Variants in GPC5 observed in about 807,000 individuals in gnomAD.
GPC5 encodes glypican-5.
A neutral mutation model predicts 53.9 loss-of-function variants in GPC5; 47 were observed. That is an observed-to-expected ratio of 0.87 (90% CI 0.69 to 1.11). The LOEUF (loss-of-function observed/expected upper bound fraction) is 1.11, where lower values mean the gene tolerates loss of function less well. Among genes scored for constraint, GPC5 ranks in the 50% most tolerant of loss-of-function variants. GPC5 has a pLI of 0.00. For missense variants in GPC5, 748 were observed against 713.1 expected, an observed-to-expected ratio of 1.05 and a Z score of -0.56; for synonymous variants, 286 against 263.3, an observed-to-expected ratio of 1.09 and a Z score of -0.84.
intron 7 of GPC5, among the ~76,000 whole-genome samples, chr13:92,582,295 A>G (rs1883397173): frequency 6.6e-6 from 1 of 152,106 alleles, no homozygotes; most frequent in African/African-American, 2.4e-5. Context: ...CTCTTATTGA[A>G]GAGACTGTTC....
intron 6 of GPC5, among the ~76,000 whole-genome samples, chr13:92,076,214 G>A (rs2041250926): frequency 6.6e-6 from 1 of 151,708 alleles, no homozygotes; most frequent in Non-Finnish European, 1.5e-5. Context: ...GACTACAGGC[G>A]CCCACCACCA....
intron 6 of GPC5, among the ~76,000 whole-genome samples, chr13:92,094,058 T>A (rs1212840765): frequency 2.0e-5 from 3 of 152,170 alleles, no homozygotes; most frequent in African/African-American, 7.2e-5. Context: ...TTAATTAATA[T>A]TGGGGTCAAA....
At chr13:91,984,845 G>T (rs7989697) in intron 6 of GPC5, among the ~76,000 whole-genome samples, 1 of 151,922 alleles carries the variant, frequency 6.6e-6, no homozygotes, top group Non-Finnish European at 1.5e-5. Flanking sequence ...CATATTCTCC[G>T]TGATTTTAAT....
chr13:92,435,629 T>C (rs1179853374), intron 7 of GPC5, among the ~76,000 whole-genome samples: 2 of 152,264 alleles, frequency 1.3e-5, no homozygotes, highest in East Asian at 3.9e-4. Flanking sequence ...GGCCAACAAC[T>C]ATGGGGAGGG....
intron 2 of GPC5, among the ~76,000 whole-genome samples, chr13:91,485,533 T>TA (rs1883561068): frequency 6.6e-6 from 1 of 152,186 alleles, no homozygotes; most frequent in South Asian, 2.1e-4. Context: ...TTCTTTTTTT[T>TA]ATATATTCTT....
At chr13:91,567,814 T>C (rs937031297) in intron 2 of GPC5, among the ~76,000 whole-genome samples, 1 of 152,184 alleles carries the variant, frequency 6.6e-6, no homozygotes, top group African/African-American at 2.4e-5. Context: ...TGTTCGGTTA[T>C]AGGTGCTGAT....
chr13:92,254,802 C>A (rs1012915333), intron 7 of GPC5, among the ~76,000 whole-genome samples: 2 of 152,080 alleles, frequency 1.3e-5, no homozygotes, highest in African/African-American at 4.8e-5. Flanking sequence ...TGAGAACCCA[C>A]TCAGTATCAC....
At chr13:92,418,521 T>C (rs923481161) in intron 7 of GPC5, among the ~76,000 whole-genome samples, 1 of 152,150 alleles carries the variant, frequency 6.6e-6, no homozygotes, top group Non-Finnish European at 1.5e-5. Flanking sequence ...AGGACAAAGA[T>C]AGAGATCCTG....
At chr13:91,990,920 C>T (rs1003490052) in intron 6 of GPC5, among the ~76,000 whole-genome samples, 1 of 152,180 alleles carries the variant, frequency 6.6e-6, no homozygotes, top group South Asian at 2.1e-4. Flanking sequence ...AGATCTCCCC[C>T]AAGTGTAGTT....
chr13:91,839,497 T>C (rs1364799071), intron 5 of GPC5, among the ~76,000 whole-genome samples: 1 of 152,016 alleles, frequency 6.6e-6, no homozygotes, highest in Non-Finnish European at 1.5e-5. Context: ...TAATCACCTG[T>C]AGTTAACAGG....
chr13:91,913,852 C>T (rs1181375819), intron 6 of GPC5, among the ~76,000 whole-genome samples: 5 of 152,238 alleles, frequency 3.3e-5, no homozygotes, highest in South Asian at 2.1e-4. Context: ...GTGGTATATC[C>T]AATGGCCAGT....
At chr13:92,119,578 T>G (rs1264531549) in intron 6 of GPC5, among the ~76,000 whole-genome samples, 81 of 135,828 alleles carry the variant, frequency 6.0e-4, no homozygotes, top group Non-Finnish European at 1.1e-3. Flanking sequence ...TTTTTTTTTT[T>G]TTTTTTTTTT....
chr13:91,501,030 C>T (rs1169401010), intron 2 of GPC5, among the ~76,000 whole-genome samples: 8 of 152,152 alleles, frequency 5.3e-5, no homozygotes, highest in Non-Finnish European at 1.2e-4. Flanking sequence ...CCACATGGAA[C>T]TGTGAGTCCA....
At chr13:91,762,334 A>G (rs909329477) in intron 5 of GPC5, among the ~76,000 whole-genome samples, 1 of 149,482 alleles carries the variant, frequency 6.7e-6, no homozygotes, top group Non-Finnish European at 1.5e-5. Context: ...TTTACCCATT[A>G]TCTAGCTGGA....
intron 5 of GPC5, among the ~76,000 whole-genome samples, chr13:91,828,757 G>A (rs982892562): frequency 1.3e-5 from 2 of 151,924 alleles, no homozygotes; most frequent in Non-Finnish European, 2.9e-5. Context: ...ATCATAATGT[G>A]CTTAATAAAG....
chr13:92,248,169 T>C (rs914695133), intron 7 of GPC5, among the ~76,000 whole-genome samples: 5 of 150,858 alleles, frequency 3.3e-5, no homozygotes, highest in Non-Finnish European at 4.4e-5. Context: ...CTTTGACGGG[T>C]TGACAAAATG....
At chr13:92,187,218 C>A (rs2042190706) in intron 7 of GPC5, among the ~76,000 whole-genome samples, 1 of 152,146 alleles carries the variant, frequency 6.6e-6, no homozygotes, top group Non-Finnish European at 1.5e-5. Flanking sequence ...TAAGTTAGTA[C>A]ATCCACTTTA....
chr13:92,525,648 C>T (rs927191440), intron 7 of GPC5, among the ~76,000 whole-genome samples: 3 of 151,914 alleles, frequency 2.0e-5, no homozygotes, highest in African/African-American at 7.2e-5. Context: ...CTCTAAGGGA[C>T]TACTGCAAAA....
chr13:92,596,356 A>T (rs1251478043), intron 7 of GPC5, among the ~76,000 whole-genome samples: 2 of 152,206 alleles, frequency 1.3e-5, no homozygotes, highest in African/African-American at 4.8e-5. Flanking sequence ...TTCAGATGGC[A>T]TATAATATGC....
Sources: gnomAD v4.1 joint callset for allele counts (sites outside exome capture counted in the v4.1 genomes callset) on GRCh38, gnomAD v4.1.1 for gene constraint, MANE v1.5 for transcripts, NCBI Gene and HGNC (gene_info 2026-07-23, HGNC 2026-07-21) for gene names.